Variants in RPTOR observed in about 807,000 individuals in gnomAD.
RPTOR encodes the protein regulatory-associated protein of mTOR.
RPTOR carries 21 observed loss-of-function variants against 169.9 expected under a neutral mutation model. The ratio of observed to expected loss-of-function variants is 0.12; its 90% CI spans 0.09 to 0.18. The LOEUF (loss-of-function observed/expected upper bound fraction) is 0.18, where lower values mean the gene tolerates loss of function less well. RPTOR is among the 10% of genes least tolerant of loss of function. RPTOR has a pLI of 1.00. For missense variants in RPTOR, 1,133 were observed against 1,855.9 expected (o/e 0.61, Z 7.16); for synonymous variants, 732 against 753.2 (o/e 0.97, Z 0.46).
chr17:80,653,975 G>T (rs2065660577), intron 3 of RPTOR, among the ~76,000 whole-genome samples: 1 of 152,222 alleles, frequency 6.6e-6, no homozygotes, highest in South Asian at 2.1e-4. Flanking sequence ...AGTGTTTGAT[G>T]CTTCCCTGGA....
intron 13 of RPTOR, among the ~76,000 whole-genome samples, chr17:80,872,762 G>T (rs747330752): frequency 6.6e-6 from 1 of 152,182 alleles, no homozygotes; most frequent in Non-Finnish European, 1.5e-5. Flanking sequence ...GTGACGGCTC[G>T]CCCTTTGCAA....
chr17:80,818,555 G>T (rs1438570381), intron 7 of RPTOR, among the ~76,000 whole-genome samples: 1 of 152,218 alleles, frequency 6.6e-6, no homozygotes, highest in Non-Finnish European at 1.5e-5. Context: ...GACGTGAAAA[G>T]TGAGGGATGC....
chr17:80,851,325 C>T (rs1338588166), intron 11 of RPTOR, among the ~76,000 whole-genome samples: 5 of 152,132 alleles, frequency 3.3e-5, no homozygotes, highest in African/African-American at 7.2e-5. Flanking sequence ...TTCCATAGAT[C>T]GTGGGATGGT....
intron 3 of RPTOR, among the ~76,000 whole-genome samples, chr17:80,679,063 A>G (rs558843084): frequency 2.1e-4 from 32 of 152,316 alleles, no homozygotes; most frequent in African/African-American, 6.0e-4. Context: ...ATTACTCCTT[A>G]TCCCCTTTCT....
In RPTOR at chr17:80,844,945, G is replaced by A. The variant is rs561959959; in HGVS notation, c.1213-1528G>A. 6.6e-6 allele frequency among the ~76,000 whole-genome samples: 1 copy of A among 151,570 alleles called. No homozygotes were observed. Among genetic ancestry groups the A allele is most frequent in the Non-Finnish European group, 1.5e-5 (1 of 67,918 alleles). On this transcript the variant is annotated intron_variant, in intron 10 of 33. Coordinates refer to ENST00000306801, the MANE Select transcript of RPTOR (RefSeq NM_020761.3). This position sits in a 1 kb window ranked among gnomAD's most constrained non-coding sequence, Gnocchi z 4.7. Reference sequence around the variant, plus strand: ...AAATCAAACAACGTAGGGAAGAGAGGATAGTGGATGGGAGAGAGAGGCTGG... The same window carrying A: ...AAATCAAACAACGTAGGGAAGAGAGAATAGTGGATGGGAGAGAGAGGCTGG...
At chr17:80,617,012 A>G (rs1311707667) in intron 1 of RPTOR, among the ~76,000 whole-genome samples, 4 of 152,224 alleles carry the variant, frequency 2.6e-5, no homozygotes, top group Admixed American at 1.3e-4. Context: ...TTGTATAGAC[A>G]TACATGCACA....
chr17:80,705,119 C>A (rs1411223802), intron 3 of RPTOR, among the ~76,000 whole-genome samples: 1 of 152,270 alleles, frequency 6.6e-6, no homozygotes, highest in Non-Finnish European at 1.5e-5. Context: ...TGGCCCTGGG[C>A]TCCCTGTGGG....
At chr17:80,555,560 C>T (rs1174311607) in intron 1 of RPTOR, among the ~76,000 whole-genome samples, 13 of 152,170 alleles carry the variant, frequency 8.5e-5, no homozygotes, top group Non-Finnish European at 1.5e-5. Context: ...CTCTCCAGGG[C>T]GCTGCTGCCT....
intron 6 of RPTOR, among the ~76,000 whole-genome samples, chr17:80,766,617 G>A (rs1432913864): frequency 3.3e-5 from 5 of 152,170 alleles, no homozygotes; most frequent in African/African-American, 1.2e-4. Context: ...TGTTAATAGT[G>A]TATAGAAATG....
At chr17:80,743,952 G>GTTA in intron 5 of RPTOR, among the ~76,000 whole-genome samples, 1 of 49,450 alleles carries the variant, frequency 2.0e-5, no homozygotes, top group East Asian at 5.0e-4. Flanking sequence ...CACAGCCCTG[G>GTTA]CTACTAGCAC....
In RPTOR at chr17:80,609,773, TTGTG is replaced by T. The variant is rs35843489; in HGVS notation, c.163-15886_163-15883del. On this transcript the variant is annotated intron_variant, in intron 1 of 33. Coordinates refer to ENST00000306801, the MANE Select transcript of RPTOR (RefSeq NM_020761.3). This position sits in a 1 kb window ranked among gnomAD's most constrained non-coding sequence, Gnocchi z 4.8. The stretch of plus-strand genomic sequence containing the variant: ...AAAAAAAAAAAGTTTAAGGTGTTGG[TTGTG>T]TGTGTGTGTGTGTGTGTGTGTGTGT... Among the ~76,000 whole-genome samples the T allele has an allele frequency of 0.099, 14,200 of 143,168 alleles. 726 individuals are homozygous for T. Among genetic ancestry groups the T allele is most frequent in the Middle Eastern group, 0.16 (47 of 288 alleles). The allele number at this position is 143,168 out of a possible 152,430, so 93.9% of individuals were successfully genotyped here. A position where few individuals can be genotyped will look rare whatever the true frequency, so the allele number is the denominator to read the frequency against.
At chr17:80,567,986 A>G (rs2031910656) in intron 1 of RPTOR, among the ~76,000 whole-genome samples, 1 of 151,386 alleles carries the variant, frequency 6.6e-6, no homozygotes, top group Non-Finnish European at 1.5e-5. Flanking sequence ...GGCTCACTGC[A>G]ACATCTGCCT....
At position 80,695,512 on chromosome 17, in the gene RPTOR, CTT is replaced by C. The variant is rs1410489923; in HGVS notation, c.349-12328_349-12327del. 6.6e-6 allele frequency among the ~76,000 whole-genome samples: 1 copy of C among 152,144 alleles called. No individual in the cohort carries two copies. The highest frequency in any genetic ancestry group is 2.4e-5 in the African/African-American group (1 of 41,426). On this transcript the variant is annotated intron_variant, in intron 3 of 33. Coordinates refer to ENST00000306801, the MANE Select transcript of RPTOR (RefSeq NM_020761.3). This position sits in a 1 kb window ranked among gnomAD's most constrained non-coding sequence, Gnocchi z 4.9. Reference sequence around the variant, plus strand: ...CTCACGTGTGGGCTCACCTGCGTCACTTCTCTCCAGCTCACCTCCACTGCGAG... The same window carrying C: ...CTCACGTGTGGGCTCACCTGCGTCACCTCTCCAGCTCACCTCCACTGCGAG...
rs1428559462 is a variant in RPTOR, at chr17:80,685,639, T to TA, written c.349-22202_349-22201insA. Among the ~76,000 whole-genome samples, 310 of 84,126 alleles carry TA rather than the reference T, an allele frequency of 3.7e-3. 8 individuals are homozygous for TA. The highest frequency in any genetic ancestry group is 7.8e-3 in the East Asian group (19 of 2,428). The allele number at this position is 84,126 out of a possible 152,430, so 55.2% of individuals were successfully genotyped here. On this transcript the variant is annotated intron_variant, in intron 3 of 33. Transcript: ENST00000306801. ...TATATATATATATATTTTTTTTTTT[T>TA]TTTTTTTTTTTTTTTTTTGCTGTGA...
chr17:80,632,612 G>T (rs999977), intron 2 of RPTOR, among the ~76,000 whole-genome samples: 8,739 of 152,228 alleles, frequency 0.057, 297 homozygotes, highest in Non-Finnish European at 0.082. Flanking sequence ...TGAATTTTGA[G>T]TTTAGGAGGG....
intron 3 of RPTOR, among the ~76,000 whole-genome samples, chr17:80,667,683 A>G (rs554308128): frequency 7.9e-5 from 12 of 152,262 alleles, no homozygotes; most frequent in African/African-American, 2.9e-4. Context: ...CACACGGGAG[A>G]GAATGTTAGT....
chr17:80,672,395 C>T (rs540458200), intron 3 of RPTOR, among the ~76,000 whole-genome samples: 1 of 148,682 alleles, frequency 6.7e-6, no homozygotes, highest in East Asian at 2.0e-4. Flanking sequence ...TAAATGGTTA[C>T]CTCATTGTCC....
rs2067366024 is a variant in RPTOR at position 80,820,271 on chromosome 17, T to A, written c.891-1930T>A. On this transcript the variant is annotated intron_variant, in intron 7 of 33. Transcript: ENST00000306801. The surrounding 1 kb of genome is among the most constrained non-coding windows in gnomAD (Gnocchi z 4.1). The stretch of plus-strand genomic sequence containing the variant: ...AGGCGGTGTTTTTGCGGAACAGTTA[T>A]TGACGATCTTGTCAGTCATTTCATT... Among the ~76,000 whole-genome samples the A allele has an allele frequency of 6.6e-6, 1 of 151,944 alleles. No homozygotes were observed. The highest frequency in any genetic ancestry group is 1.5e-5 in the Non-Finnish European group (1 of 67,974).
chr17:80,956,565 G>C (rs531841739), intron 28 of RPTOR, among the ~76,000 whole-genome samples: 1 of 152,254 alleles, frequency 6.6e-6, no homozygotes, highest in Non-Finnish European at 1.5e-5. Flanking sequence ...AGCTTTGATA[G>C]GGCCAAAAGG....
Sources: gnomAD v4.1 joint callset for allele counts (sites outside exome capture counted in the v4.1 genomes callset) on GRCh38, gnomAD v4.1.1 for gene constraint, Gnocchi (gnomAD v3.1) non-coding constraint, MANE v1.5 for transcripts, NCBI Gene and HGNC (gene_info 2026-07-23, HGNC 2026-07-21) for gene names.